The following DIP2A variants were observed in gnomAD, a reference collection of about 807,000 sequenced individuals.
DIP2A encodes the protein disco-interacting protein 2 homolog A.
Under a neutral mutation model 177.4 loss-of-function variants are expected in DIP2A, and 85 were observed. The ratio of observed to expected loss-of-function variants is 0.48; its 90% CI spans 0.40 to 0.57. The LOEUF (loss-of-function observed/expected upper bound fraction) is 0.57, where lower values mean the gene tolerates loss of function less well. Ranked by LOEUF, DIP2A falls within the 20% of genes least tolerant of loss-of-function variation. The pLI, the probability that DIP2A is intolerant of heterozygous loss-of-function variation, is 0.00. For missense variants in DIP2A, 1,791 were observed against 2,100.2 expected (o/e 0.85, Z 2.88); for synonymous variants, 886 against 881.8 (o/e 1.00, Z -0.08).
rs532906368 is a variant in DIP2A at position 46,541,015 on chromosome 21, CAA to C, written c.2037-722_2037-721del. 1.9e-3 allele frequency among the ~76,000 whole-genome samples: 139 copies of C among 71,870 alleles called. 1 individual carries two copies. The South Asian group carries it at 0.034, about 18-fold the overall frequency. The allele number at this position is 71,870 out of a possible 152,430, so 47.1% of individuals were successfully genotyped here. A position where few individuals can be genotyped will look rare whatever the true frequency, so the allele number is the denominator to read the frequency against. On this transcript the variant is annotated intron_variant, in intron 17 of 37. Coordinates refer to ENST00000417564, the MANE Select transcript of DIP2A (RefSeq NM_015151.4). Reference sequence around the variant, plus strand: ...GGGCAACAAGAGTGAAACTCTGTGTCAAAAAAAAAAAAAAAAAAAAGTTACCC... The same window carrying C: ...GGGCAACAAGAGTGAAACTCTGTGTCAAAAAAAAAAAAAAAAAAGTTACCC...
intron 7 of DIP2A, among the ~76,000 whole-genome samples, chr21:46,510,882 C>A (rs552358129): frequency 3.0e-4 from 45 of 152,320 alleles, no homozygotes; most frequent in Non-Finnish European, 5.7e-4. Flanking sequence ...ATCCACCCGC[C>A]TCGGCCTCCC....
chr21:46,575,607 A>G, the DIP2A span, among the ~76,000 whole-genome samples: 1 of 152,220 alleles, frequency 6.6e-6, no homozygotes, highest in Non-Finnish European at 1.5e-5. Context: ...ATTTTCATAC[A>G]CTCACAATGA....
chr21:46,485,582 A>G (rs1487936107), intron 2 of DIP2A, among the ~76,000 whole-genome samples: 2 of 152,174 alleles, frequency 1.3e-5, no homozygotes, highest in Non-Finnish European at 2.9e-5. Flanking sequence ...AGAAAATCTT[A>G]CAGGAAGATT....
intron 32 of DIP2A, among the ~76,000 whole-genome samples, chr21:46,559,484 C>G (rs1160326880): frequency 6.6e-6 from 1 of 152,176 alleles, no homozygotes; most frequent in Non-Finnish European, 1.5e-5. Flanking sequence ...CAAAAAGACC[C>G]CTGACCACTC....
At chr21:46,562,992 T>C (rs939380901) in intron 34 of DIP2A, among the ~76,000 whole-genome samples, 3 of 152,226 alleles carry the variant, frequency 2.0e-5, no homozygotes, top group African/African-American at 4.8e-5. Context: ...TGTAATTGTT[T>C]AGCTCACCCC....
chr21:46,465,348 AC>A lies in DIP2A; in HGVS notation c.91+6128del, dbSNP rs998390317. On this transcript the variant is annotated intron_variant, in intron 1 of 37. Coordinates refer to ENST00000417564, the MANE Select transcript of DIP2A (RefSeq NM_015151.4). ...TTTGGGAGGCCGAGGTGGTTGGATC[AC>A]CTGAGGTCTGGAGTTCGAGACCAGC... Among the ~76,000 whole-genome samples, 14 of 152,152 alleles carry A rather than the reference AC, an allele frequency of 9.2e-5. No individual in the cohort carries two copies. In the South Asian group the frequency reaches 1.0e-3, roughly 11 times the overall value.
intron 22 of DIP2A, chr21:46,550,095 A>G: frequency 8.0e-7 from 1 of 1,253,118 alleles, no homozygotes; most frequent in Non-Finnish European, 1.1e-6. Context: ...ACAATATAGA[A>G]TAATTAATAT....
the DIP2A span, among the ~76,000 whole-genome samples, chr21:46,582,079 C>T: frequency 6.6e-6 from 1 of 152,132 alleles, no homozygotes; most frequent in Non-Finnish European, 1.5e-5. Context: ...ATCACAGCTG[C>T]CCATCCCCCT....
chr21:46,486,804 C>G (rs780752260), intron 2 of DIP2A, among the ~76,000 whole-genome samples: 15 of 152,144 alleles, frequency 9.9e-5, no homozygotes, highest in Admixed American at 9.8e-4. Context: ...TTTGTTTGCA[C>G]CTTATTCTCT....
chr21:46,538,370 GTGTC>G (rs61195490), intron 15 of DIP2A, 109 bp from the exon 16 acceptor site: 39,926 of 1,413,754 alleles, frequency 0.028, 676 homozygotes, highest in South Asian at 0.037. Context: ...GCTAAGTGTT[GTGTC>G]TGTCTGTGCA....
At chr21:46,558,637 T>C in intron 32 of DIP2A, 1 of 544,904 alleles carries the variant, frequency 1.8e-6, no homozygotes, top group East Asian at 3.3e-5. Context: ...GACTAATAAC[T>C]GTAAGACTCT....
intron 27 of DIP2A, 52 bp downstream of exon 27, chr21:46,554,748 C>T: frequency 1.9e-6 from 3 of 1,545,734 alleles, no homozygotes; most frequent in Non-Finnish European, 2.6e-6. Flanking sequence ...GGCTGCAAGG[C>T]TGCCCTCCGC....
intron 2 of DIP2A, among the ~76,000 whole-genome samples, chr21:46,485,146 A>G (rs2148438550): frequency 6.6e-6 from 1 of 152,272 alleles, no homozygotes; most frequent in African/African-American, 2.4e-5. Flanking sequence ...CACAATTCTT[A>G]CTAGGGCTAG....
intron 1 of DIP2A, among the ~76,000 whole-genome samples, chr21:46,473,866 T>C (rs561095992): frequency 1.3e-5 from 2 of 152,308 alleles, no homozygotes; most frequent in East Asian, 3.9e-4. Context: ...GAGCCAGCAG[T>C]ACCCCCACAC....
intron 1 of DIP2A, among the ~76,000 whole-genome samples, chr21:46,471,925 GCAGA>G (rs1005363478): frequency 2.9e-4 from 44 of 152,176 alleles, no homozygotes; most frequent in African/African-American, 9.7e-4. Flanking sequence ...TTTGGAAATA[GCAGA>G]CAAAGAGCTT....
chr21:46,516,155 C>T (rs576739145), intron 8 of DIP2A, among the ~76,000 whole-genome samples: 11 of 152,188 alleles, frequency 7.2e-5, no homozygotes, highest in Admixed American at 3.3e-4. Flanking sequence ...GAATTGCAGC[C>T]GTCTTACTAT....
intron 18 of DIP2A, among the ~76,000 whole-genome samples, chr21:46,542,453 T>G (rs936061790): frequency 3.9e-5 from 6 of 152,220 alleles, no homozygotes; most frequent in Non-Finnish European, 5.9e-5. Flanking sequence ...AGCAAGCATG[T>G]GTTAGATAGA....
intron 1 of DIP2A, among the ~76,000 whole-genome samples, chr21:46,459,616 G>C (rs1382988378): frequency 1.1e-5 from 1 of 93,186 alleles, no homozygotes; most frequent in Non-Finnish European, 2.1e-5. Context: ...TGGGAGCCCC[G>C]CGCTGCCCCT....
intron 1 of DIP2A, among the ~76,000 whole-genome samples, chr21:46,464,747 C>G (rs2054640941): frequency 6.7e-6 from 1 of 149,702 alleles, no homozygotes; most frequent in Admixed American, 6.8e-5. Context: ...CTGATCATCT[C>G]TTAAAGGTTC....
Sources: allele counts gnomAD v4.1 joint callset (sites outside exome capture counted in the v4.1 genomes callset), GRCh38; gene constraint gnomAD v4.1.1; transcripts MANE v1.5; gene names NCBI Gene and HGNC (gene_info 2026-07-23, HGNC 2026-07-21).